Variants in TRAPPC9 observed in about 807,000 individuals in gnomAD.
The protein encoded by TRAPPC9 is IKK2 binding protein.
TRAPPC9 carries 83 observed loss-of-function variants against 124.0 expected under a neutral mutation model. That is an observed-to-expected ratio of 0.67 (90% CI 0.56 to 0.80). The LOEUF (loss-of-function observed/expected upper bound fraction) is 0.80. Ranked by LOEUF, TRAPPC9 falls within the 30% of genes least tolerant of loss-of-function variation. The pLI is 0.00. For missense variants in TRAPPC9, 1,302 were observed against 1,508.3 expected (o/e 0.86, Z 2.27); for synonymous variants, 638 against 617.5 (o/e 1.03, Z -0.49).
At chr8:139,855,576 A>C (rs998281081) in intron 21 of TRAPPC9, among the ~76,000 whole-genome samples, 21 of 152,222 alleles carry the variant, frequency 1.4e-4, no homozygotes, top group African/African-American at 5.1e-4. Context: ...CTTCTAGATA[A>C]GATTCCCTGG....
chr8:140,173,835 C>T (rs1754418770), intron 17 of TRAPPC9, among the ~76,000 whole-genome samples: 1 of 152,182 alleles, frequency 6.6e-6, no homozygotes, highest in Admixed American at 6.5e-5. Context: ...AGTAGTCAGA[C>T]TAGAACGTGC....
At chr8:140,319,812 A>C (rs2066546185) in intron 9 of TRAPPC9, among the ~76,000 whole-genome samples, 1 of 152,356 alleles carries the variant, frequency 6.6e-6, no homozygotes, top group Non-Finnish European at 1.5e-5. Context: ...ACTTAACTAT[A>C]TTGTTCTTAC....
chr8:139,877,373 C>A (rs1325284260), intron 21 of TRAPPC9, among the ~76,000 whole-genome samples: 5 of 152,210 alleles, frequency 3.3e-5, no homozygotes, highest in Non-Finnish European at 7.3e-5. Context: ...TGGGTTTCTG[C>A]AGCAGGCACA....
rs1844308505 is a variant in TRAPPC9, at chr8:140,087,978, T to C, written c.2557-63899A>G. Among the ~76,000 whole-genome samples the C allele has an allele frequency of 6.6e-6, 1 of 152,000 alleles. No individual in the cohort carries two copies. The highest frequency in any genetic ancestry group is 6.6e-5 in the Admixed American group (1 of 15,234). ...CCAGCTGTGATTTCTGCTTGGAAGA[T>C]GTGGCTTACCAGAGCCCCTAGCTCT... On this transcript the variant is annotated intron_variant, in intron 17 of 22. Coordinates refer to ENST00000438773, the MANE Select transcript of TRAPPC9 (RefSeq NM_001160372.4). The surrounding 1 kb of genome is among the most constrained non-coding windows in gnomAD (Gnocchi z 4.6).
chr8:140,278,434 G>T (rs908990513), intron 14 of TRAPPC9, among the ~76,000 whole-genome samples: 2 of 152,158 alleles, frequency 1.3e-5, no homozygotes, highest in African/African-American at 4.8e-5. Context: ...TGCATTATCA[G>T]CTCCTACCCA....
chr8:140,167,294 A>G (rs78960451), intron 17 of TRAPPC9, among the ~76,000 whole-genome samples: 2,914 of 152,318 alleles, frequency 0.019, 30 homozygotes, highest in South Asian at 0.031. Context: ...TAAAGGATTA[A>G]TGGTTGTGCC....
intron 19 of TRAPPC9, among the ~76,000 whole-genome samples, chr8:139,947,384 C>G (rs1313000496): frequency 6.6e-6 from 1 of 152,144 alleles, no homozygotes; most frequent in Non-Finnish European, 1.5e-5. Context: ...CTGTATTACT[C>G]AGCCGCCGGG....
At chr8:139,924,321 G>A (rs901423032) in intron 19 of TRAPPC9, among the ~76,000 whole-genome samples, 5 of 152,182 alleles carry the variant, frequency 3.3e-5, no homozygotes, top group Admixed American at 6.5e-5. Context: ...GTGGTACCTG[G>A]CAACACTGCT....
intron 17 of TRAPPC9, among the ~76,000 whole-genome samples, chr8:140,026,113 T>A (rs1460693205): frequency 6.6e-6 from 1 of 152,230 alleles, no homozygotes; most frequent in Non-Finnish European, 1.5e-5. Flanking sequence ...CTTGTCCTTT[T>A]GTGACTGGCA....
At chr8:140,029,947 C>T (rs557380870) in intron 17 of TRAPPC9, among the ~76,000 whole-genome samples, 2 of 151,936 alleles carry the variant, frequency 1.3e-5, no homozygotes, top group Non-Finnish European at 2.9e-5. Flanking sequence ...TAATACATCA[C>T]GGCCATCAAT....
intron 18 of TRAPPC9, among the ~76,000 whole-genome samples, chr8:140,010,446 C>T (rs910583762): frequency 2.0e-5 from 3 of 152,048 alleles, no homozygotes; most frequent in African/African-American, 7.2e-5. Context: ...ATGCAGATAG[C>T]AAATTCAGAT....
At chr8:139,905,760 A>C (rs777302817) in intron 20 of TRAPPC9, among the ~76,000 whole-genome samples, 1 of 152,196 alleles carries the variant, frequency 6.6e-6, no homozygotes, top group African/African-American at 2.4e-5. Context: ...CATAATAATA[A>C]GAATGATAAA....
chr8:140,059,745 T>C (rs1367756152), intron 17 of TRAPPC9, among the ~76,000 whole-genome samples: 1 of 152,256 alleles, frequency 6.6e-6, no homozygotes, highest in African/African-American at 2.4e-5. Context: ...GTTCACATTT[T>C]TGCACACTTC....
intron 10 of TRAPPC9, among the ~76,000 whole-genome samples, chr8:140,309,719 C>G (rs2066240046): frequency 6.6e-6 from 1 of 152,256 alleles, no homozygotes; most frequent in Non-Finnish European, 1.5e-5. Flanking sequence ...GCATTCGGCT[C>G]TAAGTCTTAG....
chr8:140,412,733 T>G (rs962454346), intron 5 of TRAPPC9, among the ~76,000 whole-genome samples: 3 of 152,218 alleles, frequency 2.0e-5, no homozygotes, highest in Admixed American at 2.0e-4. Flanking sequence ...TTATAAGTTT[T>G]AAATTATTTC....
intron 21 of TRAPPC9, among the ~76,000 whole-genome samples, chr8:139,818,851 T>C (rs1825050210): frequency 6.6e-6 from 1 of 152,208 alleles, no homozygotes; most frequent in East Asian, 1.9e-4. Flanking sequence ...CAAATGGCAA[T>C]ACCTAGGGAA....
chr8:139,740,079 G>T (rs1360225724), intron 21 of TRAPPC9, among the ~76,000 whole-genome samples: 1 of 152,188 alleles, frequency 6.6e-6, no homozygotes, highest in Non-Finnish European at 1.5e-5. Flanking sequence ...AGGACTCTAG[G>T]CCGAGCTACC....
chr8:140,287,542 T>C, intron 13 of TRAPPC9, 66 bp downstream of exon 13: 1 of 1,602,944 alleles, frequency 6.2e-7, no homozygotes, highest in African/African-American at 1.3e-5. Context: ...GCTCTGGACC[T>C]CATGGAGGCC....
At chr8:140,302,860 A>C (rs887735335) in intron 10 of TRAPPC9, 1 of 152,212 alleles carries the variant, frequency 6.6e-6, no homozygotes, top group African/African-American at 2.4e-5. Flanking sequence ...CGCCAGCTGT[A>C]GTAGCAAGGT....
Sources: gnomAD v4.1 joint callset for allele counts (sites outside exome capture counted in the v4.1 genomes callset) on GRCh38, gnomAD v4.1.1 for gene constraint, Gnocchi (gnomAD v3.1) non-coding constraint, MANE v1.5 for transcripts, NCBI Gene and HGNC (gene_info 2026-07-23, HGNC 2026-07-21) for gene names.